LAMA3: variants seen among roughly 807,000 people sequenced by gnomAD.
LAMA3 encodes the protein laminin subunit alpha 3.
In LAMA3, 281 loss-of-function variants were observed where a neutral mutation model predicts 402.0. That is an observed-to-expected ratio of 0.70 (90% CI 0.63 to 0.77). The LOEUF is 0.77. LAMA3 is among the 30% of genes least tolerant of loss of function. The pLI is 0.00. For synonymous variants in LAMA3, 1,431 were observed against 1,558.4 expected (o/e 0.92, Z 1.93); for missense variants, 3,840 against 4,215.5 (o/e 0.91, Z 2.47).
chr18:23,944,602 C>T (rs1225472010), intron 69 of LAMA3, among the ~76,000 whole-genome samples: 1 of 152,082 alleles, frequency 6.6e-6, no homozygotes, highest in Non-Finnish European at 1.5e-5. Flanking sequence ...TTAAATAAGG[C>T]AGTAGAGAAA....
intron 2 of LAMA3, among the ~76,000 whole-genome samples, chr18:23,730,809 T>C (rs2061382197): frequency 6.6e-6 from 1 of 152,198 alleles, no homozygotes; most frequent in Non-Finnish European, 1.5e-5. Flanking sequence ...TATTTTACCT[T>C]TATGATTATT....
chr18:23,843,744 G>A (rs901220764), intron 29 of LAMA3, among the ~76,000 whole-genome samples: 4 of 151,976 alleles, frequency 2.6e-5, no homozygotes, highest in Admixed American at 1.3e-4. Flanking sequence ...AGGCCCTCAC[G>A]ACCCCCTAAT....
intron 7 of LAMA3, 24 bp downstream of exon 7, chr18:23,758,535 G>A: frequency 6.7e-7 from 1 of 1,494,622 alleles, no homozygotes; most frequent in Non-Finnish European, 9.0e-7. Flanking sequence ...TGGGGTGGGG[G>A]CCACACGTGG....
chr18:23,853,024 A>G (rs993685216), intron 32 of LAMA3, among the ~76,000 whole-genome samples: 2 of 152,076 alleles, frequency 1.3e-5, no homozygotes, highest in African/African-American at 4.8e-5. Context: ...AAGCAAGTTG[A>G]CTGCTTAGCC....
At position 23,879,519 on chromosome 18, in the gene LAMA3, G is replaced by A. The variant is rs1456295909; in HGVS notation, c.5113-2417G>A. Among the ~76,000 whole-genome samples, 2 of 152,186 alleles carry A rather than the reference G, an allele frequency of 1.3e-5. No homozygotes were observed. Among genetic ancestry groups the A allele is most frequent in the Non-Finnish European group, 2.9e-5 (2 of 68,040 alleles). ...CTATTCACAGGACTACATGTACCCC[G>A]AGTCGAGGGACCAACCCTTCTTTAC... On this transcript the variant is annotated intron_variant, in intron 39 of 74. Transcript: ENST00000313654. The surrounding 1 kb of genome is among the most constrained non-coding windows in gnomAD (Gnocchi z 4.2).
intron 12 of LAMA3, among the ~76,000 whole-genome samples, chr18:23,801,837 T>C (rs1360150467): frequency 6.6e-6 from 1 of 152,248 alleles, no homozygotes; most frequent in Non-Finnish European, 1.5e-5. Flanking sequence ...TTTGTATGTC[T>C]TCTTTTTAGA....
intron 32 of LAMA3, among the ~76,000 whole-genome samples, chr18:23,851,505 C>T (rs768764798): frequency 2.0e-5 from 3 of 152,196 alleles, no homozygotes; most frequent in Non-Finnish European, 4.4e-5. Flanking sequence ...ATCCTGGAGG[C>T]ACCTTTAGAG....
At chr18:23,781,188 C>A (rs1352636316) in intron 11 of LAMA3, 3 of 406,852 alleles carry the variant, frequency 7.4e-6, no homozygotes, top group African/African-American at 2.1e-5. Context: ...TCGTTTAACG[C>A]CAAGACTGTA....
At chr18:23,770,744 G>C (rs779932753) in intron 8 of LAMA3, among the ~76,000 whole-genome samples, 1 of 152,136 alleles carries the variant, frequency 6.6e-6, no homozygotes, top group Non-Finnish European at 1.5e-5. Flanking sequence ...CTGGGCGACA[G>C]AGCGAGACTC....
chr18:23,718,656 G>A (rs1268555992), intron 2 of LAMA3, among the ~76,000 whole-genome samples: 1 of 152,186 alleles, frequency 6.6e-6, no homozygotes, highest in Non-Finnish European at 1.5e-5. Flanking sequence ...AGATGTGGCT[G>A]CAGGAGCAGA....
At chr18:23,928,095 TCTTC>T (rs1363030310) in intron 62 of LAMA3, 24 bp from the exon 63 acceptor site, 1 of 1,487,110 alleles carries the variant, frequency 6.7e-7, no homozygotes, top group Non-Finnish European at 9.4e-7. Flanking sequence ...ATGATCCATC[TCTTC>T]CTTTTATCTG....
intron 41 of LAMA3, among the ~76,000 whole-genome samples, chr18:23,886,963 A>G (rs2065092481): frequency 6.6e-6 from 1 of 152,238 alleles, no homozygotes; most frequent in Admixed American, 6.5e-5. Context: ...GGGGACACTG[A>G]GCAGCAGCTA....
chr18:23,726,146 G>C (rs1469558826), intron 2 of LAMA3, among the ~76,000 whole-genome samples: 2 of 152,210 alleles, frequency 1.3e-5, no homozygotes, highest in Non-Finnish European at 2.9e-5. Context: ...GGTGAGTGGG[G>C]CAAGGAAGCC....
At chr18:23,779,742 A>C (rs2062398289) in intron 11 of LAMA3, among the ~76,000 whole-genome samples, 1 of 152,152 alleles carries the variant, frequency 6.6e-6, no homozygotes, top group Non-Finnish European at 1.5e-5. Context: ...TATGAGAGTC[A>C]TCCAGGAATG....
Position 23,836,993 on chromosome 18 carries a change from G to A in LAMA3, c.2997G>A (p.Arg999=). Residue 999 remains arginine (R), a synonymous_variant, in exon 25 of 75, where the codon CGG becomes CGA. Coordinates refer to ENST00000313654, the MANE Select transcript of LAMA3 (RefSeq NM_198129.4). ...IYSCNYSVLC[R]SAVIDHMSRI... ...TTTTCTCTTGCAGTGTTCTCTGCCG[G>A]AGTGCTGTGATTGATCACATGAGCC... The A allele has an allele frequency of 6.2e-7, 1 of 1,613,586 alleles. No individual in the cohort carries two copies. The highest frequency in any genetic ancestry group is 8.5e-7 in the Non-Finnish European group (1 of 1,179,740).
At chr18:23,815,096 C>A (rs1389948121) in intron 15 of LAMA3, 92 bp from the exon 16 acceptor site, 5 of 1,154,274 alleles carry the variant, frequency 4.3e-6, no homozygotes, top group Non-Finnish European at 6.5e-6. Context: ...AGGCCAACTG[C>A]ACACGTTGTG....
In LAMA3 at chr18:23,842,765, T is replaced by G. The variant is rs2063732952; in HGVS notation, c.3603+15T>G. On this transcript the variant is annotated intron_variant, in intron 29 of 74. Coordinates refer to ENST00000313654, the MANE Select transcript of LAMA3 (RefSeq NM_198129.4). ...CCTTGGTTTTGGTGCGTTCCACTCGTTCCTCAACTTGCTCCTCACATGCCT... is the reference window on the plus strand; with the variant it reads ...CCTTGGTTTTGGTGCGTTCCACTCGGTCCTCAACTTGCTCCTCACATGCCT... The G allele has an allele frequency of 6.2e-7, 1 of 1,613,912 alleles. No homozygotes were observed. Among genetic ancestry groups the G allele is most frequent in the Non-Finnish European group, 8.5e-7 (1 of 1,180,004 alleles).
chr18:23,883,921 G>A (rs764903125), intron 40 of LAMA3, among the ~76,000 whole-genome samples: 1 of 152,102 alleles, frequency 6.6e-6, no homozygotes. Flanking sequence ...GCTGACCAAT[G>A]TCTAACTGTC....
chr18:23,856,647 G>A (rs2064086794), intron 32 of LAMA3, among the ~76,000 whole-genome samples: 1 of 152,114 alleles, frequency 6.6e-6, no homozygotes, highest in Admixed American at 6.5e-5. Flanking sequence ...GCAGATGGTT[G>A]AGGGTGGATG....
Sources: allele counts gnomAD v4.1 joint callset (sites outside exome capture counted in the v4.1 genomes callset), GRCh38; gene constraint gnomAD v4.1.1; non-coding constraint Gnocchi (gnomAD v3.1); transcripts MANE v1.5; gene names NCBI Gene and HGNC (gene_info 2026-07-23, HGNC 2026-07-21).